The following SNX29 variants were observed in gnomAD, a reference collection of about 807,000 sequenced individuals.
SNX29 encodes the protein sorting nexin-29.
SNX29 carries 78 observed loss-of-function variants against 102.1 expected under a neutral mutation model. That is an observed-to-expected ratio of 0.76 (90% CI 0.64 to 0.92). The LOEUF is 0.92. Ranked by LOEUF, SNX29 falls within the 40% of genes least tolerant of loss-of-function variation. The pLI is 0.00. For synonymous variants in SNX29, 580 were observed against 414.5 expected, an observed-to-expected ratio of 1.40 and a Z score of -4.85; for missense variants, 1,280 against 1,061.7, an observed-to-expected ratio of 1.21 and a Z score of -2.86.
intron 16 of SNX29, among the ~76,000 whole-genome samples, chr16:12,367,749 G>A (rs1015805780): frequency 2.0e-5 from 3 of 152,356 alleles, no homozygotes; most frequent in Middle Eastern, 6.8e-3. Flanking sequence ...GTTAAACTTC[G>A]TGTTCCAAAT....
chr16:12,140,634 C>T (rs999030570), intron 13 of SNX29, among the ~76,000 whole-genome samples: 8 of 151,984 alleles, frequency 5.3e-5, no homozygotes, highest in Non-Finnish European at 1.2e-4. Flanking sequence ...GTGACACTAC[C>T]GTGCTGTCAC....
At chr16:12,450,555 G>T (rs2086258179) in intron 18 of SNX29, among the ~76,000 whole-genome samples, 1 of 152,194 alleles carries the variant, frequency 6.6e-6, no homozygotes, top group Non-Finnish European at 1.5e-5. Context: ...ATTGGCTGAG[G>T]CCCGAATCAT....
intron 20 of SNX29, among the ~76,000 whole-genome samples, chr16:12,551,161 C>G (rs1395976569): frequency 3.3e-5 from 5 of 152,100 alleles, no homozygotes; most frequent in Admixed American, 3.3e-4. Context: ...TCAGAAAACC[C>G]TCAGTACCAT....
At chr16:12,547,410 G>C (rs2006159) in intron 20 of SNX29, among the ~76,000 whole-genome samples, 17,908 of 152,196 alleles carry the variant, frequency 0.12, 1,354 homozygotes, top group Non-Finnish European at 0.16. Context: ...CAGGTAGTTA[G>C]GGGACCATGT....
At chr16:12,505,157 G>A (rs893066424) in intron 19 of SNX29, among the ~76,000 whole-genome samples, 6 of 152,284 alleles carry the variant, frequency 3.9e-5, no homozygotes, top group African/African-American at 1.4e-4. Context: ...GAATGTTTTT[G>A]GGTGGACAAA....
intron 19 of SNX29, among the ~76,000 whole-genome samples, chr16:12,507,245 A>G (rs986404419): frequency 6.6e-6 from 1 of 152,204 alleles, no homozygotes; most frequent in African/African-American, 2.4e-5. Flanking sequence ...CATCACATCA[A>G]AGCACTTAGC....
rs77379793 is a variant in SNX29, at chr16:11,991,612, G to A, written c.8-7685G>A. Among the ~76,000 whole-genome samples the A allele has an allele frequency of 5.1e-4, 77 of 151,340 alleles. 1 individual carries two copies. In the East Asian group the frequency reaches 0.012, roughly 23 times the overall value. On this transcript the variant is annotated intron_variant, in intron 1 of 20. Transcript: ENST00000566228. ...GGCTGGAGTGCAGCGGTGTGATCTCGGCTCACTGCAACCTCCGCCTCCCAG... is the reference window on the plus strand; with the variant it reads ...GGCTGGAGTGCAGCGGTGTGATCTCAGCTCACTGCAACCTCCGCCTCCCAG...
chr16:12,109,565 C>T (rs542636226), intron 11 of SNX29, among the ~76,000 whole-genome samples: 6 of 152,242 alleles, frequency 3.9e-5, no homozygotes, highest in African/African-American at 1.4e-4. Context: ...GGCCTCACTA[C>T]AGCACTAGTC....
At chr16:12,314,752 G>C (rs1449064681) in intron 15 of SNX29, among the ~76,000 whole-genome samples, 2 of 152,220 alleles carry the variant, frequency 1.3e-5, no homozygotes, top group Admixed American at 1.3e-4. Context: ...AGCAGTTGCA[G>C]TGTTCACTTG....
At chr16:12,122,858 A>T (rs2054036702) in intron 11 of SNX29, among the ~76,000 whole-genome samples, 1 of 151,962 alleles carries the variant, frequency 6.6e-6, no homozygotes, top group African/African-American at 2.4e-5. Flanking sequence ...GCGGAGTCTC[A>T]CTCTGTCACC....
At position 12,387,678 on chromosome 16, in the gene SNX29, C is replaced by G. The variant is rs372760369; in HGVS notation, c.1900-10768C>G. Among the ~76,000 whole-genome samples, 12 of 152,200 alleles carry G rather than the reference C, an allele frequency of 7.9e-5. No individual in the cohort carries two copies. In the East Asian group the frequency reaches 1.4e-3, roughly 17 times the overall value. On this transcript the variant is annotated intron_variant, in intron 16 of 20. Coordinates refer to ENST00000566228, the MANE Select transcript of SNX29 (RefSeq NM_032167.5). ...TGTTTTACAGATGAGGAAACTGAGG[C>G]TCAAGATTTTCTGTTAATAAGTGTT...
At chr16:12,045,650 G>A (rs1259132529) in intron 5 of SNX29, among the ~76,000 whole-genome samples, 2 of 83,490 alleles carry the variant, frequency 2.4e-5, no homozygotes, top group African/African-American at 3.8e-5. Flanking sequence ...TTATTATTTT[G>A]AGGTGGAGTC....
chr16:12,548,590 C>T (rs980750689), intron 20 of SNX29, among the ~76,000 whole-genome samples: 2 of 152,190 alleles, frequency 1.3e-5, no homozygotes, highest in Admixed American at 1.3e-4. Context: ...AAGTCCCACT[C>T]CAGGCCCGGG....
intron 3 of SNX29, among the ~76,000 whole-genome samples, chr16:12,025,451 AT>A (rs1217417837): frequency 6.6e-6 from 1 of 152,116 alleles, no homozygotes; most frequent in Non-Finnish European, 1.5e-5. Flanking sequence ...TTAATCATTG[AT>A]TTACCTACCC....
chr16:12,228,420 C>G (rs578108258), intron 14 of SNX29, among the ~76,000 whole-genome samples: 1 of 152,254 alleles, frequency 6.6e-6, no homozygotes, highest in African/African-American at 2.4e-5. Context: ...GCTGCTTTAC[C>G]TTGCCTCCAG....
intron 13 of SNX29, among the ~76,000 whole-genome samples, chr16:12,162,159 C>T (rs377051062): frequency 6.6e-6 from 1 of 152,136 alleles, no homozygotes; most frequent in African/African-American, 2.4e-5. Context: ...CACGTGATGG[C>T]TCCCTTCTTG....
At chr16:12,029,094 C>G (rs1394238951) in intron 4 of SNX29, among the ~76,000 whole-genome samples, 2 of 151,532 alleles carry the variant, frequency 1.3e-5, no homozygotes, top group Non-Finnish European at 2.9e-5. Context: ...TAATCACTTT[C>G]AACAGATGTT....
chr16:12,147,664 A>G (rs994026090), intron 13 of SNX29, among the ~76,000 whole-genome samples: 1 of 152,224 alleles, frequency 6.6e-6, no homozygotes, highest in African/African-American at 2.4e-5. Context: ...CCCGTGGCTC[A>G]GTTTAACCCC....
At chr16:12,015,239 CTTTT>C (rs956109363) in intron 3 of SNX29, among the ~76,000 whole-genome samples, 3 of 150,938 alleles carry the variant, frequency 2.0e-5, no homozygotes, top group African/African-American at 7.3e-5. Flanking sequence ...AGTTATAGTT[CTTTT>C]TTTTTAATTT....
Sources: gnomAD v4.1 joint callset for allele counts (sites outside exome capture counted in the v4.1 genomes callset) on GRCh38, gnomAD v4.1.1 for gene constraint, MANE v1.5 for transcripts, NCBI Gene and HGNC (gene_info 2026-07-23, HGNC 2026-07-21) for gene names.